Variants in NLGN4Y observed in about 807,000 individuals in gnomAD.
NLGN4Y encodes the protein neuroligin-4, Y-linked.
In NLGN4Y, 4 loss-of-function variants were observed where a neutral mutation model predicts 8.4. That is an observed-to-expected ratio of 0.48 (90% confidence interval 0.23 to 1.09). The LOEUF (loss-of-function observed/expected upper bound fraction) is 1.09. NLGN4Y is among the 50% of genes least tolerant of loss of function. The probability of loss-of-function intolerance (pLI) is 0.19; values close to 1 mark genes in which losing one functional copy is unlikely to be tolerated. For synonymous variants in NLGN4Y, 35 were observed against 75.6 expected (o/e 0.46, Z 2.78); for missense variants, 90 against 192.3 (o/e 0.47, Z 3.15).
intron 1 of NLGN4Y, among the ~76,000 whole-genome samples, chrY:14,597,172 C>T (rs2150495575): frequency 3.2e-5 from 1 of 30,990 alleles, no homozygotes; most frequent in African/African-American, 1.3e-4. Flanking sequence ...TGGAGTTGTT[C>T]GTTTCTCCCG....
chrY:14,555,307 G>A, intron 1 of NLGN4Y, among the ~76,000 whole-genome samples: 2 of 33,298 alleles, frequency 6.0e-5, no homozygotes, highest in African/African-American at 1.2e-4. Context: ...CAAGATCAAG[G>A]TGTGGCAGAT....
chrY:14,810,940 T>G, intron 4 of NLGN4Y, among the ~76,000 whole-genome samples: 2 of 33,466 alleles, frequency 6.0e-5, no homozygotes, highest in African/African-American at 2.3e-4. Flanking sequence ...TGTGAAATAA[T>G]GATATGATAA....
At position 14,694,126 on chromosome Y, in the gene NLGN4Y, G is replaced by A; in HGVS notation, c.473-25333G>A. Reference sequence around the variant, plus strand: ...AAGCTGGCTCTGTTACAGAGTAATGGTAAAAGAAATGACTTACCAGAATTT... The same window carrying A: ...AAGCTGGCTCTGTTACAGAGTAATGATAAAAGAAATGACTTACCAGAATTT... On this transcript the variant is annotated intron_variant, in intron 2 of 6. Transcript: ENST00000684976. 9.0e-5 allele frequency among the ~76,000 whole-genome samples: 3 copies of A among 33,496 alleles called. No homozygotes were observed. The East Asian group carries it at 2.4e-3, about 27-fold the overall frequency. The allele number at this position is 33,496 out of a possible 37,273, so 89.9% of individuals were successfully genotyped here. A position where few individuals can be genotyped will look rare whatever the true frequency, so the allele number is the denominator to read the frequency against.
At chrY:14,814,278 C>G in intron 4 of NLGN4Y, among the ~76,000 whole-genome samples, 1 of 32,654 alleles carries the variant, frequency 3.1e-5, no homozygotes, top group Admixed American at 2.8e-4. Flanking sequence ...TACCTACTTC[C>G]TGATGGATAG....
intron 2 of NLGN4Y, among the ~76,000 whole-genome samples, chrY:14,697,451 A>G: frequency 3.3e-5 from 1 of 30,688 alleles, no homozygotes; most frequent in Non-Finnish European, 7.8e-5. Context: ...GAGAGATAAA[A>G]GACAGAAAGT....
At chrY:14,684,796 A>G in intron 2 of NLGN4Y, among the ~76,000 whole-genome samples, 1 of 33,474 alleles carries the variant, frequency 3.0e-5, no homozygotes, top group Non-Finnish European at 7.4e-5. Flanking sequence ...ACTTACCTTC[A>G]GTGACTAAGT....
At chrY:14,586,335 A>G (rs775966086) in intron 1 of NLGN4Y, among the ~76,000 whole-genome samples, 25 of 33,494 alleles carry the variant, frequency 7.5e-4, no homozygotes, top group African/African-American at 2.9e-3. Flanking sequence ...CACTTCTTAC[A>G]TACAGCTGTC....
In NLGN4Y at chrY:14,636,916, G is replaced by A; in HGVS notation, c.472+14325G>A. Among the ~76,000 whole-genome samples the A allele has an allele frequency of 3.0e-4, 10 of 33,399 alleles. No individual in the cohort carries two copies. The South Asian group carries it at 6.7e-3, about 22-fold the overall frequency. The allele number at this position is 33,399 out of a possible 37,273, so 89.6% of individuals were successfully genotyped here. ...TACAAATCTGCCATCTCCAGTAGATGGTAAATGCTTTGAAGACCCAGAGCA... is the reference window on the plus strand; with the variant it reads ...TACAAATCTGCCATCTCCAGTAGATAGTAAATGCTTTGAAGACCCAGAGCA... On this transcript the variant is annotated intron_variant, in intron 2 of 6. Transcript: ENST00000684976.
intron 1 of NLGN4Y, among the ~76,000 whole-genome samples, chrY:14,578,259 C>T (rs2080305523): frequency 4.0e-5 from 1 of 24,739 alleles, no homozygotes; most frequent in Non-Finnish European, 9.7e-5. Context: ...TCATCATCAT[C>T]ATCCCAGCAT....
intron 4 of NLGN4Y, among the ~76,000 whole-genome samples, chrY:14,742,570 G>A (rs2081009772): frequency 3.1e-5 from 1 of 32,452 alleles, no homozygotes; most frequent in Admixed American, 2.9e-4. Context: ...ATGAATTATT[G>A]CATTAGAAAT....
intron 1 of NLGN4Y, among the ~76,000 whole-genome samples, chrY:14,613,902 G>A (rs938777904): frequency 3.0e-5 from 1 of 33,731 alleles, no homozygotes; most frequent in Non-Finnish European, 7.3e-5. Flanking sequence ...AAACATATGT[G>A]TTCATGTGTC....
chrY:14,660,825 TAAC>T (rs2080671973), intron 2 of NLGN4Y, among the ~76,000 whole-genome samples: 6 of 33,497 alleles, frequency 1.8e-4, no homozygotes, highest in Non-Finnish European at 4.4e-4. Context: ...TTGAAGCTGA[TAAC>T]AACATTAGTG....
intron 4 of NLGN4Y, among the ~76,000 whole-genome samples, chrY:14,748,029 T>C: frequency 6.0e-5 from 2 of 33,437 alleles, no homozygotes; most frequent in African/African-American, 2.3e-4. Flanking sequence ...AATATAGATG[T>C]AAATGGAGCT....
chrY:14,781,657 G>T, intron 4 of NLGN4Y, among the ~76,000 whole-genome samples: 1 of 33,187 alleles, frequency 3.0e-5, no homozygotes, highest in Non-Finnish European at 7.4e-5. Context: ...CCTCATGCAC[G>T]CATGCAGCAA....
intron 2 of NLGN4Y, among the ~76,000 whole-genome samples, chrY:14,698,475 T>C (rs775071899): frequency 1.5e-4 from 5 of 33,502 alleles, no homozygotes; most frequent in African/African-American, 5.8e-4. Context: ...TCCATTTCCA[T>C]GCTTTTTTCT....
intron 1 of NLGN4Y, among the ~76,000 whole-genome samples, chrY:14,580,426 G>T: frequency 3.2e-5 from 1 of 30,986 alleles, no homozygotes. Context: ...AGAAAGGCAT[G>T]GTATGGAAAT....
chrY:14,682,971 C>A, intron 2 of NLGN4Y, among the ~76,000 whole-genome samples: 1 of 32,766 alleles, frequency 3.1e-5, no homozygotes, highest in Non-Finnish European at 7.5e-5. Context: ...TAGAGTGAGA[C>A]CCTGTCACAC....
intron 1 of NLGN4Y, among the ~76,000 whole-genome samples, chrY:14,546,400 T>C: frequency 3.0e-5 from 1 of 33,175 alleles, no homozygotes; most frequent in African/African-American, 1.2e-4. Context: ...TGATTCTTCC[T>C]ACCCATGAGC....
intron 1 of NLGN4Y, among the ~76,000 whole-genome samples, chrY:14,570,923 G>A (rs768570191): frequency 6.1e-5 from 2 of 32,526 alleles, no homozygotes; most frequent in Admixed American, 5.7e-4. Flanking sequence ...CAAAGGACAT[G>A]AACTCATCAT....
Sources: gnomAD v4.1 joint callset for allele counts (sites outside exome capture counted in the v4.1 genomes callset) on GRCh38, gnomAD v4.1.1 for gene constraint, MANE v1.5 for transcripts, NCBI Gene and HGNC (gene_info 2026-07-23, HGNC 2026-07-21) for gene names.